The following NEBL variants were observed in gnomAD, a reference collection of about 807,000 sequenced individuals.
The protein encoded by NEBL is LIM and SH3 protein 2.
A neutral mutation model predicts 140.2 loss-of-function variants in NEBL; 122 were observed. That is an observed-to-expected ratio of 0.87 (90% CI 0.75 to 1.01). The LOEUF (loss-of-function observed/expected upper bound fraction) is 1.01. Among genes scored for constraint, NEBL ranks in the 50% least tolerant of loss-of-function variants. The pLI, the probability that NEBL is intolerant of heterozygous loss-of-function variation, is 0.00. For missense variants in NEBL, 1,365 were observed against 1,231.3 expected (o/e 1.11, Z -1.62); for synonymous variants, 436 against 398.9 (o/e 1.09, Z -1.11).
chr10:20,918,723 C>T (rs941640593), intron 4 of NEBL, among the ~76,000 whole-genome samples: 9 of 150,118 alleles, frequency 6.0e-5, no homozygotes, highest in East Asian at 2.0e-4. Context: ...TGGTGGCGGG[C>T]GCCTATAGTC....
At chr10:21,217,051 C>T (rs1485894649) in intron 3 of NEBL, among the ~76,000 whole-genome samples, 1 of 152,026 alleles carries the variant, frequency 6.6e-6, no homozygotes, top group Non-Finnish European at 1.5e-5. Flanking sequence ...AACACAATAC[C>T]CCTGGGAAGG....
intron 9 of NEBL, 75 bp downstream of exon 9, chr10:20,858,165 C>G: frequency 1.8e-6 from 2 of 1,142,750 alleles, no homozygotes; most frequent in South Asian, 2.5e-5. Flanking sequence ...AGCAGGTGAG[C>G]ACATGAACGC....
At chr10:21,256,116 G>A (rs925815360) in intron 1 of NEBL, among the ~76,000 whole-genome samples, 2 of 152,142 alleles carry the variant, frequency 1.3e-5, no homozygotes, top group Non-Finnish European at 2.9e-5. Context: ...CACTCAGGCT[G>A]CAGTGCAGTG....
At chr10:21,143,894 T>C (rs1839764886) in intron 2 of NEBL, among the ~76,000 whole-genome samples, 1 of 151,866 alleles carries the variant, frequency 6.6e-6, no homozygotes, top group Non-Finnish European at 1.5e-5. Flanking sequence ...AATAAGACCA[T>C]TCCAGAAAAA....
chr10:21,002,568 T>C (rs1055052746), intron 3 of NEBL, among the ~76,000 whole-genome samples: 1 of 152,076 alleles, frequency 6.6e-6, no homozygotes, highest in Non-Finnish European at 1.5e-5. Flanking sequence ...AGACAAGAGG[T>C]TTAACTGGCT....
chr10:21,242,396 C>T (rs1229572545), intron 3 of NEBL, among the ~76,000 whole-genome samples: 4 of 152,050 alleles, frequency 2.6e-5, no homozygotes, highest in African/African-American at 9.7e-5. Context: ...CATGTTCTCA[C>T]GTATAACGGG....
intron 1 of NEBL, among the ~76,000 whole-genome samples, chr10:21,280,371 C>T (rs903008710): frequency 2.0e-5 from 3 of 152,092 alleles, no homozygotes; most frequent in Non-Finnish European, 2.9e-5. Flanking sequence ...GGCAGTAGAA[C>T]AAAAGAATTG....
chr10:21,190,213 C>T (rs59594613), intron 3 of NEBL, among the ~76,000 whole-genome samples: 2 of 152,206 alleles, frequency 1.3e-5, no homozygotes, highest in East Asian at 3.9e-4. Context: ...GGCCTAGTGG[C>T]TTACGTCTGT....
chr10:21,256,914 G>C (rs1020168034), intron 1 of NEBL, among the ~76,000 whole-genome samples: 2 of 152,180 alleles, frequency 1.3e-5, no homozygotes, highest in African/African-American at 2.4e-5. Flanking sequence ...TGCTGTTGAG[G>C]TTTTGTATGT....
At chr10:21,275,336 C>G (rs1439610801) in intron 1 of NEBL, among the ~76,000 whole-genome samples, 1 of 152,156 alleles carries the variant, frequency 6.6e-6, no homozygotes, top group Non-Finnish European at 1.5e-5. Context: ...CAGGCTTGAC[C>G]CCAGCAGAAA....
At chr10:21,076,195 C>A (rs903327634) in intron 2 of NEBL, among the ~76,000 whole-genome samples, 6 of 152,068 alleles carry the variant, frequency 3.9e-5, no homozygotes, top group African/African-American at 1.2e-4. Flanking sequence ...GTAATCCCAG[C>A]ACTTTAGGAG....
At chr10:20,944,889 A>C (rs760843182) in intron 4 of NEBL, among the ~76,000 whole-genome samples, 4 of 152,214 alleles carry the variant, frequency 2.6e-5, no homozygotes, top group Non-Finnish European at 4.4e-5. Flanking sequence ...CCGGCTCAAC[A>C]GTCAGACATA....
intron 1 of NEBL, among the ~76,000 whole-genome samples, chr10:21,285,739 G>A (rs772880006): frequency 2.6e-5 from 4 of 152,158 alleles, no homozygotes; most frequent in African/African-American, 4.8e-5. Context: ...GTCTAAAGTC[G>A]TTATTACAAT....
chr10:21,169,067 A>ATATATATAT (rs1554830680), intron 2 of NEBL, among the ~76,000 whole-genome samples: 14 of 23,020 alleles, frequency 6.1e-4, no homozygotes, highest in Admixed American at 7.6e-4. Context: ...AAAAAAAAAA[A>ATATATATAT]ATATATATAT....
chr10:21,213,234 G>A (rs1029856488), intron 3 of NEBL, among the ~76,000 whole-genome samples: 5 of 152,222 alleles, frequency 3.3e-5, no homozygotes, highest in African/African-American at 1.2e-4. Context: ...AATTTCAGTT[G>A]ATGGTTCAGT....
At chr10:21,181,647 A>C (rs1347862533) in intron 3 of NEBL, among the ~76,000 whole-genome samples, 2 of 152,190 alleles carry the variant, frequency 1.3e-5, no homozygotes, top group African/African-American at 4.8e-5. Context: ...TTCTTGCGAC[A>C]CCACGTGCTG....
chr10:20,949,760 C>T (rs537965142), intron 4 of NEBL, among the ~76,000 whole-genome samples: 7 of 151,790 alleles, frequency 4.6e-5, no homozygotes, highest in East Asian at 1.9e-4. Context: ...CTGCTGAGGA[C>T]GTCTTTATTT....
At chr10:20,789,853 T>TTATATA (rs537896711) in intron 26 of NEBL, among the ~76,000 whole-genome samples, 1,790 of 149,484 alleles carry the variant, frequency 0.012, 42 homozygotes, top group African/African-American at 0.04. Flanking sequence ...ATCTCAAATT[T>TTATATA]TATATATATA....
intron 2 of NEBL, among the ~76,000 whole-genome samples, chr10:21,091,470 A>G (rs760523478): frequency 1.3e-5 from 2 of 152,202 alleles, no homozygotes; most frequent in Non-Finnish European, 2.9e-5. Context: ...AGCCTACAAA[A>G]TACACTGTTA....
Sources: allele counts gnomAD v4.1 joint callset (sites outside exome capture counted in the v4.1 genomes callset), GRCh38; gene constraint gnomAD v4.1.1; transcripts MANE v1.5; gene names NCBI Gene and HGNC (gene_info 2026-07-23, HGNC 2026-07-21).